The following CLPTM1 variants were observed in gnomAD, a reference collection of about 807,000 sequenced individuals.
CLPTM1 encodes the protein putative lipid scramblase CLPTM1.
In CLPTM1, 21 loss-of-function variants were observed where a neutral mutation model predicts 77.3. The observed-to-expected ratio is 0.27, with a 90% CI of 0.19 to 0.39. The LOEUF (loss-of-function observed/expected upper bound fraction) is 0.39. Ranked by LOEUF, CLPTM1 falls within the 10% of genes least tolerant of loss-of-function variation. The probability of loss-of-function intolerance (pLI) is 1.00; values close to 1 mark genes in which losing one functional copy is unlikely to be tolerated. For missense variants in CLPTM1, 642 were observed against 921.2 expected (o/e 0.70, Z 3.92); for synonymous variants, 373 against 381.0 (o/e 0.98, Z 0.24).
chr19:44,959,220 C>G (rs1361016770), intron 1 of CLPTM1, among the ~76,000 whole-genome samples: 3 of 144,394 alleles, frequency 2.1e-5, no homozygotes, highest in Non-Finnish European at 4.6e-5. Flanking sequence ...TATTTTGTTT[C>G]TTTTTTTTTT....
intron 5 of CLPTM1, among the ~76,000 whole-genome samples, chr19:44,984,040 C>T (rs1450433183): frequency 6.6e-6 from 1 of 152,262 alleles, no homozygotes; most frequent in African/African-American, 2.4e-5. Flanking sequence ...CCCCTTCCTC[C>T]CCGGCAGCAT....
intron 7 of CLPTM1, chr19:44,986,812 C>A: frequency 1.8e-6 from 1 of 555,780 alleles, no homozygotes; most frequent in Non-Finnish European, 3.1e-6. Flanking sequence ...AAGTGCCATC[C>A]AGCCCACAAA....
chr19:44,956,361 G>T (rs900840949), intron 1 of CLPTM1, among the ~76,000 whole-genome samples: 3 of 152,210 alleles, frequency 2.0e-5, no homozygotes, highest in African/African-American at 7.2e-5. Flanking sequence ...AGGAGGGCCA[G>T]CCATATCCCT....
chr19:44,960,146 TCTC>T (rs1262994483), intron 1 of CLPTM1, among the ~76,000 whole-genome samples: 3 of 151,980 alleles, frequency 2.0e-5, no homozygotes, highest in East Asian at 1.9e-4. Flanking sequence ...GCCCCATAGA[TCTC>T]CTCATCAGAA....
At chr19:44,974,003 G>T (rs1013656031) in intron 3 of CLPTM1, among the ~76,000 whole-genome samples, 1 of 151,942 alleles carries the variant, frequency 6.6e-6, no homozygotes, top group African/African-American at 2.4e-5. Flanking sequence ...ACCTCAAGTG[G>T]TCTACCCGCC....
chr19:44,992,145 TG>T lies in CLPTM1; in HGVS notation c.1556-86del. On this transcript the variant is annotated intron_variant, in intron 12 of 13. Coordinates refer to ENST00000337392, the MANE Select transcript of CLPTM1 (RefSeq NM_001294.4). The surrounding 1 kb of genome is among the most constrained non-coding windows in gnomAD (Gnocchi z 7.7). Reference sequence around the variant, plus strand: ...GTAGAGTGTGCCCAGGTGTAGGAAGTGGTGAGGGGGCTGGTATGGCCAGTGC... The same window carrying T: ...GTAGAGTGTGCCCAGGTGTAGGAAGTGTGAGGGGGCTGGTATGGCCAGTGC... 2 of 1,392,330 alleles carry T rather than the reference TG, an allele frequency of 1.4e-6. No individual in the cohort carries two copies. The highest frequency in any genetic ancestry group is 2.0e-6 in the Non-Finnish European group (2 of 998,126). 86.2% of individuals were successfully genotyped at this position (1,392,330 alleles called of 1,614,324 possible). A position where few individuals can be genotyped will look rare whatever the true frequency, so the allele number is the denominator to read the frequency against.
At chr19:44,973,820 G>A (rs531340798) in intron 3 of CLPTM1, among the ~76,000 whole-genome samples, 3 of 137,006 alleles carry the variant, frequency 2.2e-5, no homozygotes, top group South Asian at 2.4e-4. Flanking sequence ...CTAGAGTGCA[G>A]TGGCATAATC....
At chr19:44,973,765 T>TTTTTTTTTGTTTG (rs1970760442) in intron 3 of CLPTM1, among the ~76,000 whole-genome samples, 4 of 131,640 alleles carry the variant, frequency 3.0e-5, no homozygotes, top group African/African-American at 1.2e-4. Context: ...CAGTGGGTTT[T>TTTTTTTTTGTTTG]TTTTTTTTTT....
chr19:44,966,094 A>C (rs2122252363), intron 2 of CLPTM1, among the ~76,000 whole-genome samples: 1 of 152,270 alleles, frequency 6.6e-6, no homozygotes. Flanking sequence ...CAATACGAAG[A>C]GTGAAAAGAA....
chr19:44,977,292 T>G (rs554236240), intron 4 of CLPTM1, 51 bp from the exon 5 acceptor site: 2 of 1,362,432 alleles, frequency 1.5e-6, no homozygotes. Context: ...CTTTAACGTT[T>G]CCCTCACCCC....
rs996720048 is a variant in CLPTM1 at position 44,974,436 on chromosome 19, C to T, written c.310-3C>T. ...GAGCTCTGTTCCCTTCCTGTCCCAACAGAACCTGCATGTGTACATCTCAGA... is the reference window on the plus strand; with the variant it reads ...GAGCTCTGTTCCCTTCCTGTCCCAATAGAACCTGCATGTGTACATCTCAGA... On this transcript the variant is annotated splice_region_variant and splice_polypyrimidine_tract_variant and intron_variant, in intron 3 of 13. Coordinates refer to ENST00000337392, the MANE Select transcript of CLPTM1 (RefSeq NM_001294.4). 9 of 1,610,564 alleles carry T rather than the reference C, an allele frequency of 5.6e-6. No individual in the cohort carries two copies. The Admixed American group carries it at 6.7e-5, about 12-fold the overall frequency.
At chr19:44,958,629 C>T (rs1030072068) in intron 1 of CLPTM1, among the ~76,000 whole-genome samples, 3 of 152,174 alleles carry the variant, frequency 2.0e-5, no homozygotes, top group Non-Finnish European at 4.4e-5. Flanking sequence ...ACCTCGGCCT[C>T]CCAAAGTGCT....
In CLPTM1 at chr19:44,988,229, T is replaced by C. The variant is rs961013948; in HGVS notation, c.1132+56T>C. 1.3e-5 allele frequency: 17 copies of C among 1,286,772 alleles called. No individual in the cohort carries two copies. The Admixed American group carries it at 2.0e-4, about 15-fold the overall frequency. 79.7% of individuals were successfully genotyped at this position (1,286,772 alleles called of 1,614,324 possible). A position where few individuals can be genotyped will look rare whatever the true frequency, so the allele number is the denominator to read the frequency against. On this transcript the variant is annotated intron_variant, in intron 9 of 13. Transcript: ENST00000337392. ...GCTGTGCAGGGTGGGGGACAGGACC[T>C]GCCCCCTTCCTCCTCCCCTCCCTCC...
Position 44,973,181 on chromosome 19 carries a change from C to T in CLPTM1, c.280C>T (p.Arg94Cys). The stretch of plus-strand genomic sequence containing the variant: ...CGGAGGAGCTCCACGCGTCGCCAGC[C>T]GCAACCTGTTCCCCAAAGACACTTT... ...GPGGAPRVAS[R>C]NLFPKDTLMN... Residue 94 changes from arginine to cysteine, a missense_variant, in exon 3 of 14, where the codon CGC (arginine) becomes TGC (cysteine). By Grantham distance (180) the Arg-to-Cys change is radical. Coordinates refer to ENST00000337392, the MANE Select transcript of CLPTM1 (RefSeq NM_001294.4). 3 of 1,614,050 alleles carry T rather than the reference C, an allele frequency of 1.9e-6. No homozygotes were observed. Among genetic ancestry groups the T allele is most frequent in the Non-Finnish European group, 2.5e-6 (3 of 1,179,938 alleles).
chr19:44,985,622 C>T (rs1970965288), intron 6 of CLPTM1, among the ~76,000 whole-genome samples: 1 of 152,220 alleles, frequency 6.6e-6, no homozygotes, highest in South Asian at 2.1e-4. Flanking sequence ...GGGACTCTCA[C>T]CCACACAGCC....
Position 44,991,268 on chromosome 19 carries a change from T to C in CLPTM1, c.1450T>C (p.Phe484Leu). 1.2e-6 allele frequency: 2 copies of C among 1,614,016 alleles called. No individual in the cohort carries two copies. The highest frequency in any genetic ancestry group is 8.5e-7 in the Non-Finnish European group (1 of 1,179,946). ...MAFRYLSWIL[F>L]PLLGCYAVYS... ...ATTCCGGTACCTGTCCTGGATCCTC[T>C]TCCCGCTCCTGGGCTGCTATGCCGT... is the stretch of plus-strand genomic sequence containing the variant. Residue 484 changes from phenylalanine (F) to leucine (L), a missense_variant, in exon 12 of 14, where the codon TTC becomes CTC. Physicochemically the swap from Phe to Leu is conservative, Grantham distance 22 (BLOSUM62 0). This residue lies in a region of CLPTM1 where 521 missense variants were observed against 800.4 expected (regional missense o/e 0.65). Coordinates refer to ENST00000337392, the MANE Select transcript of CLPTM1 (RefSeq NM_001294.4). The surrounding 1 kb of genome is among the most constrained non-coding windows in gnomAD (Gnocchi z 5.4).
At chr19:44,986,762 C>A in intron 7 of CLPTM1, 187 bp downstream of exon 7, 1 of 703,318 alleles carries the variant, frequency 1.4e-6, no homozygotes, top group Non-Finnish European at 2.3e-6. Flanking sequence ...CCCTGGGGAC[C>A]CCAGGACTGA....
At position 44,987,196 on chromosome 19, in the gene CLPTM1, G is replaced by A. The variant is rs1435749475; in HGVS notation, c.811G>A (p.Val271Met). ...PLDQYVKFDA[V>M]SGDYYPIIYF... The stretch of plus-strand genomic sequence containing the variant: ...TGCTGCAGATGTGAAGTTCGACGCC[G>A]TGAGCGGTGACTACTATCCCATCAT... The change falls in exon 8 of 14, where the codon GTG becomes ATG. Residue 271 changes from valine (V) to methionine (M), a missense_variant. Transcript: ENST00000337392. 1.6e-5 allele frequency: 26 copies of A among 1,611,162 alleles called. No homozygotes were observed. The highest frequency in any genetic ancestry group is 5.0e-5 in the Admixed American group (3 of 59,902).
At position 44,966,405 on chromosome 19, in the gene CLPTM1, A is replaced by AGGT. The variant is rs1425232084; in HGVS notation, c.185+4331_185+4332insGTG. On this transcript the variant is annotated intron_variant, in intron 2 of 13. Transcript: ENST00000337392. ...CAGCCTGGGTGACAGAGCGAGACAC[A>AGGT]GTCTCAAAAATAAAAAAGTGTAATG... is the stretch of plus-strand genomic sequence containing the variant. 5.3e-5 allele frequency among the ~76,000 whole-genome samples: 6 copies of AGGT among 113,404 alleles called. No individual in the cohort carries two copies. In the South Asian group the frequency reaches 1.9e-3, roughly 35 times the overall value. 74.4% of individuals were successfully genotyped at this position (113,404 alleles called of 152,430 possible). A position where few individuals can be genotyped will look rare whatever the true frequency, so the allele number is the denominator to read the frequency against.
Sources: allele counts gnomAD v4.1 joint callset (sites outside exome capture counted in the v4.1 genomes callset), GRCh38; gene constraint gnomAD v4.1.1; regional missense constraint gnomAD v4.1.1; non-coding constraint Gnocchi (gnomAD v3.1); transcripts MANE v1.5; gene names NCBI Gene and HGNC (gene_info 2026-07-23, HGNC 2026-07-21).